PADI3: variants seen among roughly 807,000 people sequenced by gnomAD.
PADI3 encodes protein-arginine deiminase type-3.
In PADI3, 53 loss-of-function variants were observed where a neutral mutation model predicts 71.5. The observed-to-expected ratio is 0.74, with a 90% CI of 0.59 to 0.93. The LOEUF (loss-of-function observed/expected upper bound fraction) is 0.93. PADI3 is among the 40% of genes least tolerant of loss of function. The pLI, the probability that PADI3 is intolerant of heterozygous loss-of-function variation, is 0.00. For missense variants in PADI3, 821 were observed against 868.0 expected, an observed-to-expected ratio of 0.95 and a Z score of 0.68; for synonymous variants, 361 against 347.5, an observed-to-expected ratio of 1.04 and a Z score of -0.43.
At chr1:17,251,233 C>A (rs2072962307) in intron 1 of PADI3, among the ~76,000 whole-genome samples, 1 of 152,158 alleles carries the variant, frequency 6.6e-6, no homozygotes, top group Non-Finnish European at 1.5e-5. Flanking sequence ...TACAAGGGTG[C>A]CACAGAAAGG....
intron 5 of PADI3, 143 bp from the exon 6 acceptor site, chr1:17,267,694 A>G (rs940128835): frequency 9.3e-6 from 8 of 855,654 alleles, no homozygotes; most frequent in Non-Finnish European, 1.3e-5. Flanking sequence ...TTTGTTCTTG[A>G]TGGCTTCCAG....
chr1:17,273,390 G>A lies in PADI3; in HGVS notation c.1098G>A (p.Val366=), dbSNP rs538240124. The change falls in exon 10 of 16, where the codon GTG becomes GTA. Residue 366 remains valine, a synonymous_variant. Transcript: ENST00000375460. ...AGGCGCCGCACAAGACCCTCCCGGT[G>A]GTCTTTGACTCCCCAAGGAATGGGG... ...YVQAPHKTLP[V]VFDSPRNGEL... 14 of 1,613,864 alleles carry A rather than the reference G, an allele frequency of 8.7e-6. No individual in the cohort carries two copies. The highest frequency in any genetic ancestry group is 1.2e-5 in the Non-Finnish European group (14 of 1,179,944).
At chr1:17,252,198 G>T (rs1361479287) in intron 1 of PADI3, among the ~76,000 whole-genome samples, 2 of 152,084 alleles carry the variant, frequency 1.3e-5, no homozygotes, top group Non-Finnish European at 2.9e-5. Flanking sequence ...ACTCCTCCCT[G>T]CAACTGGAGG....
At chr1:17,251,993 A>G (rs1005475175) in intron 1 of PADI3, among the ~76,000 whole-genome samples, 1 of 152,186 alleles carries the variant, frequency 6.6e-6, no homozygotes, top group Admixed American at 6.5e-5. Context: ...AAGGATGAGG[A>G]CAAGCAAGTC....
In PADI3 at chr1:17,266,203, G is replaced by A. The variant is rs187183291; in HGVS notation, c.408+483G>A. On this transcript the variant is annotated intron_variant, in intron 4 of 15. Transcript: ENST00000375460. ...TCATAATGTGCTGATCCTGACCTAG[G>A]CGAGAAGAGAAACCAAATATGAAAC... is the stretch of plus-strand genomic sequence containing the variant. Among the ~76,000 whole-genome samples, 34 of 152,332 alleles carry A rather than the reference G, an allele frequency of 2.2e-4. 1 individual carries two copies. The East Asian group carries it at 5.4e-3, about 24-fold the overall frequency.
intron 13 of PADI3, among the ~76,000 whole-genome samples, chr1:17,277,445 T>G (rs2073349489): frequency 6.6e-6 from 1 of 152,220 alleles, no homozygotes; most frequent in Non-Finnish European, 1.5e-5. Context: ...TCAGCCCGCC[T>G]CGGCCTCTCA....
At chr1:17,280,994 G>A (rs897448367) in intron 15 of PADI3, among the ~76,000 whole-genome samples, 198 bp downstream of exon 15, 15 of 152,220 alleles carry the variant, frequency 9.9e-5, no homozygotes, top group African/African-American at 3.1e-4. Flanking sequence ...AATGCTTGCT[G>A]GCCAAGCCCT....
In PADI3 at chr1:17,280,714, G is replaced by C; in HGVS notation, c.1679G>C (p.Gly560Ala). The C allele has an allele frequency of 6.2e-7, 1 of 1,614,208 alleles. No individual in the cohort carries two copies. Among genetic ancestry groups the C allele is most frequent in the Non-Finnish European group, 8.5e-7 (1 of 1,180,034 alleles). The change falls in exon 15 of 16, where the codon GGC (glycine) becomes GCC (alanine). Residue 560 changes from glycine (G) to alanine (A), a missense_variant. Gly to Ala is a moderately conservative substitution (Grantham distance 60). Coordinates refer to ENST00000375460, the MANE Select transcript of PADI3 (RefSeq NM_016233.2). ...CGTGAGGTGCTGAAGCGGGAGCTGG[G>C]CCTGGCAGAGTGTGACATCATTGAC... ...WNREVLKREL[G>A]LAECDIIDIP...
chr1:17,264,144 C>T (rs755027446), intron 3 of PADI3, among the ~76,000 whole-genome samples: 4 of 152,158 alleles, frequency 2.6e-5, no homozygotes, highest in Non-Finnish European at 4.4e-5. Flanking sequence ...GCATTAGCAA[C>T]TTTTTCCCTT....
At chr1:17,260,466 C>T (rs944184465) in intron 2 of PADI3, among the ~76,000 whole-genome samples, 6 of 152,150 alleles carry the variant, frequency 3.9e-5, no homozygotes, top group African/African-American at 9.7e-5. Context: ...GCACTGACCA[C>T]GTGCCAGGTA....
At chr1:17,272,956 A>G (rs192130554) in intron 9 of PADI3, among the ~76,000 whole-genome samples, 5 of 152,326 alleles carry the variant, frequency 3.3e-5, no homozygotes, top group South Asian at 4.1e-4. Flanking sequence ...ACACTGGGCC[A>G]TCTTTTCCTC....
At chr1:17,261,646 T>C (rs115796255) in intron 2 of PADI3, among the ~76,000 whole-genome samples, 1,877 of 152,310 alleles carry the variant, frequency 0.012, 41 homozygotes, top group African/African-American at 0.042. Context: ...GCCTCTGAGG[T>C]AGAGACCTAT....
At chr1:17,273,474 C>T in intron 10 of PADI3, 27 bp downstream of exon 10, 1 of 1,520,182 alleles carries the variant, frequency 6.6e-7, no homozygotes, top group Non-Finnish European at 9.1e-7. Flanking sequence ...GCAGCCCACC[C>T]CTGAGAGCTG....
At chr1:17,256,988 C>G (rs1281636532) in intron 1 of PADI3, among the ~76,000 whole-genome samples, 1 of 138,984 alleles carries the variant, frequency 7.2e-6, no homozygotes, top group Admixed American at 7.7e-5. Flanking sequence ...GCCAAGATTG[C>G]ACCACTGCAC....
chr1:17,278,820 A>G (rs995408660), intron 13 of PADI3, among the ~76,000 whole-genome samples: 2 of 152,134 alleles, frequency 1.3e-5, no homozygotes, highest in Non-Finnish European at 2.9e-5. Flanking sequence ...AGAGAAAAAA[A>G]GCTCCTGTAG....
chr1:17,270,188 C>A, intron 6 of PADI3, 45 bp from the exon 7 acceptor site: 1 of 1,571,716 alleles, frequency 6.4e-7, no homozygotes, highest in Non-Finnish European at 8.6e-7. Flanking sequence ...CTCATGCTCC[C>A]TGGGCCCACA....
rs1369686794 is a variant in PADI3 at position 17,266,746 on chromosome 1, T to A, written c.436T>A (p.Tyr146Asn). The change falls in exon 5 of 16, where the codon TAT becomes AAT. Residue 146 changes from tyrosine (Y) to asparagine (N), a missense_variant. Coordinates refer to ENST00000375460, the MANE Select transcript of PADI3 (RefSeq NM_016233.2). The stretch of plus-strand genomic sequence containing the variant: ...GCAGTGGGTCTGGGGGCCCAGTGGG[T>A]ATGGCGGCATCTTGCTGGTGAACTG... ...KRQWVWGPSG[Y>N]GGILLVNCDR... is the part of the protein sequence containing the mutation. 4 of 1,614,014 alleles carry A rather than the reference T, an allele frequency of 2.5e-6. No homozygotes were observed. The highest frequency in any genetic ancestry group is 3.3e-5 in the Admixed American group (2 of 59,998).
chr1:17,276,631 T>A lies in PADI3; in HGVS notation c.1420T>A (p.Phe474Ile). 6.2e-7 allele frequency: 1 copy of A among 1,614,092 alleles called. No homozygotes were observed. Among genetic ancestry groups the A allele is most frequent in the Non-Finnish European group, 8.5e-7 (1 of 1,180,008 alleles). ...DWLAVGHVDE[F>I]LSFVPAPDGK... ...GTTGGCCGTGGGCCATGTGGATGAG[T>A]TTCTGAGCTTTGTCCCTGCCCCCGA... Residue 474 changes from phenylalanine to isoleucine, a missense_variant, in exon 12 of 16, where the codon TTT (phenylalanine) becomes ATT (isoleucine). Transcript: ENST00000375460.
intron 6 of PADI3, 112 bp from the exon 7 acceptor site, chr1:17,270,121 T>A (rs1211336523): frequency 8.0e-7 from 1 of 1,250,184 alleles, no homozygotes; most frequent in Non-Finnish European, 1.1e-6. Context: ...AGGAGGGAGT[T>A]GTTGGAGGAC....
Sources: allele counts gnomAD v4.1 joint callset (sites outside exome capture counted in the v4.1 genomes callset), GRCh38; gene constraint gnomAD v4.1.1; transcripts MANE v1.5; gene names NCBI Gene and HGNC (gene_info 2026-07-23, HGNC 2026-07-21).